GPLD1: variants seen among roughly 807,000 people sequenced by gnomAD.
The protein encoded by GPLD1 is glycosylphosphatidylinositol specific phospholipase D1.
In GPLD1, 84 loss-of-function variants were observed where a neutral mutation model predicts 112.6. The observed-to-expected ratio is 0.75, with a 90% CI of 0.63 to 0.89. The LOEUF is 0.89. GPLD1 is among the 40% of genes least tolerant of loss of function. The pLI is 0.00. For missense variants in GPLD1, 1,044 were observed against 1,051.5 expected, an observed-to-expected ratio of 0.99 and a Z score of 0.10; for synonymous variants, 386 against 403.8, an observed-to-expected ratio of 0.96 and a Z score of 0.53.
Position 24,427,424 on chromosome 6 carries a change from G to A in GPLD1, c.*1608C>T, listed in dbSNP as rs1189113802. ...GAGATGGCTTAAAACTAGCAGTGTC[G>A]CTAGGCTCTTTAGGTGTTAGAACAG... is the stretch of plus-strand genomic sequence containing the variant. On this transcript the variant is annotated 3_prime_UTR_variant, in exon 25 of 25. Transcript: ENST00000230036. 6.6e-6 allele frequency among the ~76,000 whole-genome samples: 1 copy of A among 152,176 alleles called. No individual in the cohort carries two copies. The highest frequency in any genetic ancestry group is 6.5e-5 in the Admixed American group (1 of 15,278).
chr6:24,455,972 T>C (rs1291194040), intron 13 of GPLD1, among the ~76,000 whole-genome samples: 1 of 152,024 alleles, frequency 6.6e-6, no homozygotes, highest in Non-Finnish European at 1.5e-5. Flanking sequence ...CCCAGGAGTT[T>C]GAGACCAGCC....
chr6:24,436,921 G>A (rs1264268496), intron 21 of GPLD1, among the ~76,000 whole-genome samples, 185 bp from the exon 22 acceptor site: 1 of 152,174 alleles, frequency 6.6e-6, no homozygotes, highest in Non-Finnish European at 1.5e-5. Context: ...AATTACTACA[G>A]GTGATTCTCA....
At chr6:24,469,722 TACATATGTAACTAACCTGCACAATGTGCA>T (rs1268005181) in intron 7 of GPLD1, among the ~76,000 whole-genome samples, 2 of 148,480 alleles carry the variant, frequency 1.3e-5, no homozygotes, top group Non-Finnish European at 3.0e-5. Flanking sequence ...GGCACATGTA[TACATATGTAACTAACCTGCACAATGTGCA>T]CATGTACCCT....
chr6:24,478,214 G>A (rs1270836840), intron 3 of GPLD1, among the ~76,000 whole-genome samples: 1 of 152,222 alleles, frequency 6.6e-6, no homozygotes, highest in Non-Finnish European at 1.5e-5. Context: ...AGTTTGGGAA[G>A]TGCTAAATTA....
Position 24,446,873 on chromosome 6 carries a change from C to T in GPLD1, c.1785G>A (p.Leu595=). Reference sequence around the variant, plus strand: ...TCTTCCAGGTCGGGCTCCCAACCAACAGCAAGGTTCTGTTGTCCACAGTGA... The same window carrying T: ...TCTTCCAGGTCGGGCTCCCAACCAATAGCAAGGTTCTGTTGTCCACAGTGA... ...HGVTVDNRTL[L]LVGSPTWKNA... The change falls in exon 18 of 25, where the codon CTG becomes CTA. Residue 595 remains leucine (L), a synonymous_variant. Coordinates refer to ENST00000230036, the MANE Select transcript of GPLD1 (RefSeq NM_001503.4). 2 of 1,614,014 alleles carry T rather than the reference C, an allele frequency of 1.2e-6. No individual in the cohort carries two copies. The highest frequency in any genetic ancestry group is 3.3e-4 in the Middle Eastern group (2 of 6,060).
At chr6:24,466,120 G>T (rs943131886) in intron 10 of GPLD1, among the ~76,000 whole-genome samples, 1 of 152,240 alleles carries the variant, frequency 6.6e-6, no homozygotes, top group African/African-American at 2.4e-5. Context: ...CAAGGCAGGT[G>T]GATCACTTGA....
chr6:24,484,978 G>A (rs377520795), intron 2 of GPLD1, among the ~76,000 whole-genome samples: 35 of 152,280 alleles, frequency 2.3e-4, no homozygotes, highest in African/African-American at 5.5e-4. Context: ...TTACACCTTC[G>A]TCACAAAGTA....
chr6:24,486,490 A>T (rs965032516), intron 1 of GPLD1, among the ~76,000 whole-genome samples: 2 of 152,228 alleles, frequency 1.3e-5, no homozygotes, highest in Non-Finnish European at 2.9e-5. Context: ...AGTGACAAGC[A>T]CAGTGGCTGA....
At chr6:24,434,902 T>A (rs183235883) in intron 22 of GPLD1, among the ~76,000 whole-genome samples, 104 of 150,322 alleles carry the variant, frequency 6.9e-4, no homozygotes, top group African/African-American at 2.5e-3. Flanking sequence ...ACTCCTGAGC[T>A]CAAGGGATCC....
At chr6:24,488,135 C>T (rs540996278) in intron 1 of GPLD1, among the ~76,000 whole-genome samples, 8 of 152,072 alleles carry the variant, frequency 5.3e-5, no homozygotes, top group Non-Finnish European at 1.0e-4. Flanking sequence ...AGGCCAGGCG[C>T]GATGGCTCAC....
At chr6:24,457,977 C>T (rs868533871) in intron 12 of GPLD1, among the ~76,000 whole-genome samples, 4 of 151,886 alleles carry the variant, frequency 2.6e-5, no homozygotes, top group Admixed American at 6.6e-5. Flanking sequence ...AGGAGCCGTA[C>T]ACCACAGAAT....
At chr6:24,474,180 C>T (rs11759857) in intron 5 of GPLD1, among the ~76,000 whole-genome samples, 2 of 38,706 alleles carry the variant, frequency 5.2e-5, no homozygotes, top group African/African-American at 7.9e-5. Context: ...CACATACACA[C>T]ACACACACAC....
At position 24,467,224 on chromosome 6, in the gene GPLD1, C is replaced by G; in HGVS notation, c.596G>C (p.Arg199Pro). Residue 199 changes from arginine (R) to proline (P), a missense_variant, in exon 8 of 25, where the codon CGA (arginine) becomes CCA (proline). By Grantham distance (103) the Arg-to-Pro change is moderately radical (BLOSUM62 -2). Coordinates refer to ENST00000230036, the MANE Select transcript of GPLD1 (RefSeq NM_001503.4). ...LLGIYEKLYG[R>P]KVITENVIVD... ...GATTACATTTTCGGTGATGACTTTT[C>G]GACCATACAGTTTCTCATAAATTCC... The G allele has an allele frequency of 6.2e-7, 1 of 1,608,600 alleles. No individual in the cohort carries two copies. Among genetic ancestry groups the G allele is most frequent in the Non-Finnish European group, 8.5e-7 (1 of 1,175,002 alleles).
At chr6:24,494,834 G>T in intron 1 of GPLD1, 6 of 793,098 alleles carry the variant, frequency 7.6e-6, no homozygotes, top group Non-Finnish European at 1.0e-5. Context: ...AGAAAGACGC[G>T]GAGAGAGGGC....
intron 20 of GPLD1, among the ~76,000 whole-genome samples, chr6:24,442,015 A>G (rs1047514604): frequency 6.7e-6 from 1 of 148,406 alleles, no homozygotes; most frequent in African/African-American, 2.4e-5. Flanking sequence ...TATATATAAT[A>G]TATACATATT....
rs529567994 is a variant in GPLD1, at chr6:24,486,592, G to A, written c.98-462C>T. Among the ~76,000 whole-genome samples the A allele has an allele frequency of 1.6e-4, 25 of 152,236 alleles. No individual in the cohort carries two copies. The South Asian group carries it at 5.0e-3, about 30-fold the overall frequency. Reference sequence around the variant, plus strand: ...AGAACTTTGGGAGGCCGAGGAGGGCGGATCACCTGAGGTCAGGAATTCAAG... The same window carrying A: ...AGAACTTTGGGAGGCCGAGGAGGGCAGATCACCTGAGGTCAGGAATTCAAG... On this transcript the variant is annotated intron_variant, in intron 1 of 24. Transcript: ENST00000230036.
intron 10 of GPLD1, among the ~76,000 whole-genome samples, chr6:24,466,250 G>C (rs1485512403): frequency 6.6e-6 from 1 of 152,240 alleles, no homozygotes; most frequent in Non-Finnish European, 1.5e-5. Flanking sequence ...GGGAGGCTGA[G>C]GCACGAGACT....
chr6:24,495,225 C>T, upstream of GPLD1: 1 of 1,514,406 alleles, frequency 6.6e-7, no homozygotes, highest in East Asian at 2.6e-5. Flanking sequence ...CGCCACCTTC[C>T]CCGTGCAAGA....
At chr6:24,443,996 T>TA (rs1762831904) in intron 20 of GPLD1, among the ~76,000 whole-genome samples, 3 of 152,166 alleles carry the variant, frequency 2.0e-5, no homozygotes, top group Non-Finnish European at 4.4e-5. Context: ...TTCTGCTTAT[T>TA]ATTCAAATCT....
Sources: allele counts gnomAD v4.1 joint callset (sites outside exome capture counted in the v4.1 genomes callset), GRCh38; gene constraint gnomAD v4.1.1; transcripts MANE v1.5; gene names NCBI Gene and HGNC (gene_info 2026-07-23, HGNC 2026-07-21).